BAHD1: variants seen among roughly 807,000 people sequenced by gnomAD.
The protein encoded by BAHD1 is bromo adjacent homology domain containing 1.
A neutral mutation model predicts 63.1 loss-of-function variants in BAHD1; 20 were observed. The observed-to-expected ratio is 0.32, with a 90% CI of 0.22 to 0.46. The LOEUF is 0.46. BAHD1 is among the 20% of genes least tolerant of loss of function. BAHD1 has a pLI of 1.00. For synonymous variants in BAHD1, 408 were observed against 426.8 expected (o/e 0.96, Z 0.54); for missense variants, 939 against 1,071.8 (o/e 0.88, Z 1.73).
In BAHD1 at chr15:40,467,347, A is replaced by G. The variant is rs1894242179; in HGVS notation, c.*1217A>G. On this transcript the variant is annotated 3_prime_UTR_variant, in exon 7 of 7. Coordinates refer to ENST00000416165, the MANE Select transcript of BAHD1 (RefSeq NM_014952.5). The stretch of plus-strand genomic sequence containing the variant: ...GTGAGGGGGCTGGAGCAGCCTGGTT[A>G]TTTCCTATCTGTACCAAAGAGGAGT... 6.5e-6 allele frequency: 1 copy of G among 152,950 alleles called. No homozygotes were observed. Among genetic ancestry groups the G allele is most frequent in the Admixed American group, 6.5e-5 (1 of 15,286 alleles). The allele number at this position is 152,950 out of a possible 1,614,324, so 9.5% of individuals were successfully genotyped here. A position where few individuals can be genotyped will look rare whatever the true frequency, so the allele number is the denominator to read the frequency against.
chr15:40,462,222 CCGCCGCCGT>C lies in BAHD1; in HGVS notation c.1752_1760del (p.Arg585_Arg587del). ...CACGTGTCCAGCGCCCACGCCCTCG[CCGCCGCCGT>C]CGCCGCCGCACTAATGGCTGGGTAC... On this transcript the variant is annotated inframe_deletion, in exon 3 of 7. Coordinates refer to ENST00000416165, the MANE Select transcript of BAHD1 (RefSeq NM_014952.5). 3 of 1,611,470 alleles carry C rather than the reference CCGCCGCCGT, an allele frequency of 1.9e-6. No individual in the cohort carries two copies. Among genetic ancestry groups the C allele is most frequent in the South Asian group, 2.2e-5 (2 of 90,956 alleles).
rs140194867 is a variant in BAHD1, at chr15:40,459,167, C to T, written c.703C>T (p.Arg235Cys). Residue 235 changes from arginine (R) to cysteine (C), a missense_variant, in exon 2 of 7, where the codon CGC becomes TGC. By Grantham distance (180) the Arg-to-Cys change is radical. Coordinates refer to ENST00000416165, the MANE Select transcript of BAHD1 (RefSeq NM_014952.5). ...LPRAHAEVDG[R>C]STEPPAPKAP... is the part of the protein sequence containing the mutation. The stretch of plus-strand genomic sequence containing the variant: ...TCGTGCCCATGCAGAAGTAGATGGG[C>T]GCTCCACTGAGCCCCCAGCACCCAA... 60 of 1,612,922 alleles carry T rather than the reference C, an allele frequency of 3.7e-5. No individual in the cohort carries two copies. The Admixed American group carries it at 4.3e-4, about 12-fold the overall frequency.
At chr15:40,454,856 C>CA (rs1893804370) in intron 1 of BAHD1, among the ~76,000 whole-genome samples, 2 of 152,114 alleles carry the variant, frequency 1.3e-5, no homozygotes, top group African/African-American at 4.8e-5. Flanking sequence ...AGAGGGGAAC[C>CA]AAGCCTACCA....
intron 1 of BAHD1, among the ~76,000 whole-genome samples, chr15:40,447,512 C>G (rs563169547): frequency 1.3e-5 from 2 of 150,786 alleles, no homozygotes; most frequent in Non-Finnish European, 2.9e-5. Flanking sequence ...GGTTGCAGAT[C>G]GCGCCAGTGC....
chr15:40,465,924 A>G lies in BAHD1; in HGVS notation c.2154-17A>G. On this transcript the variant is annotated splice_polypyrimidine_tract_variant and intron_variant, in intron 6 of 6. Coordinates refer to ENST00000416165, the MANE Select transcript of BAHD1 (RefSeq NM_014952.5). ...AAAGTGGCTGGAGTAAAGACAGTGA[A>G]TGGTATCTCTCTACAGGTTCTGTGC... 6.5e-7 allele frequency: 1 copy of G among 1,549,438 alleles called. No individual in the cohort carries two copies. Among genetic ancestry groups the G allele is most frequent in the African/African-American group, 1.4e-5 (1 of 72,844 alleles).
In BAHD1 at chr15:40,466,313, G is replaced by A; in HGVS notation, c.*183G>A. The A allele has an allele frequency of 1.8e-6, 1 of 567,934 alleles. No individual in the cohort carries two copies. Among genetic ancestry groups the A allele is most frequent in the East Asian group, 3.1e-5 (1 of 32,756 alleles). The allele number at this position is 567,934 out of a possible 1,614,324, so 35.2% of individuals were successfully genotyped here. ...GGCTCCAGGGGAGGGAGCTGGGGAG[G>A]CCAGGGTATAAGAAAAGCATCAGAA... On this transcript the variant is annotated 3_prime_UTR_variant, in exon 7 of 7. Coordinates refer to ENST00000416165, the MANE Select transcript of BAHD1 (RefSeq NM_014952.5).
At chr15:40,452,797 C>CT (rs1176377461) in intron 1 of BAHD1, among the ~76,000 whole-genome samples, 1 of 151,722 alleles carries the variant, frequency 6.6e-6, no homozygotes, top group East Asian at 1.9e-4. Flanking sequence ...AGCAGGGCAT[C>CT]TGTCTGTCCC....
chr15:40,454,319 GC>G (rs1190776633), intron 1 of BAHD1: 3 of 152,548 alleles, frequency 2.0e-5, no homozygotes, highest in African/African-American at 7.2e-5. Context: ...GCTGTATGGT[GC>G]TGCTGCAGCT....
chr15:40,440,958 T>A lies in BAHD1; in HGVS notation c.-325T>A, dbSNP rs1893378903. ...GCGGAGGCTCCGCTCTCGGGGAGTTTGTGGGGGAACCGCGAGCGGCGTAGC... is the reference window on the plus strand; with the variant it reads ...GCGGAGGCTCCGCTCTCGGGGAGTTAGTGGGGGAACCGCGAGCGGCGTAGC... On this transcript the variant is annotated 5_prime_UTR_variant, in exon 1 of 7. Coordinates refer to ENST00000416165, the MANE Select transcript of BAHD1 (RefSeq NM_014952.5). 6.6e-6 allele frequency among the ~76,000 whole-genome samples: 1 copy of A among 151,556 alleles called. No individual in the cohort carries two copies. Among genetic ancestry groups the A allele is most frequent in the Non-Finnish European group, 1.5e-5 (1 of 67,854 alleles).
chr15:40,448,005 T>C (rs1389630724), intron 1 of BAHD1, among the ~76,000 whole-genome samples: 1 of 152,174 alleles, frequency 6.6e-6, no homozygotes, highest in Non-Finnish European at 1.5e-5. Flanking sequence ...ATCCCAGCAC[T>C]TTGGGAGGCA....
intron 1 of BAHD1, among the ~76,000 whole-genome samples, chr15:40,445,296 C>T (rs1297972747): frequency 6.9e-6 from 1 of 145,782 alleles, no homozygotes; most frequent in African/African-American, 2.5e-5. Context: ...CACACCTTCT[C>T]TGGTTAGAGG....
chr15:40,448,411 A>C (rs1310530301), intron 1 of BAHD1, among the ~76,000 whole-genome samples: 1 of 152,192 alleles, frequency 6.6e-6, no homozygotes, highest in Admixed American at 6.5e-5. Context: ...TGAACGTGCA[A>C]GTTATCTTGC....
chr15:40,461,746 T>C (rs1894048168), intron 2 of BAHD1, among the ~76,000 whole-genome samples, 166 bp from the exon 3 acceptor site: 4 of 152,140 alleles, frequency 2.6e-5, no homozygotes, highest in African/African-American at 9.7e-5. Context: ...CCTGTCCCCT[T>C]AGAGAGTCAC....
chr15:40,443,881 T>C (rs1259010898), intron 1 of BAHD1, among the ~76,000 whole-genome samples: 1 of 152,148 alleles, frequency 6.6e-6, no homozygotes, highest in East Asian at 1.9e-4. Flanking sequence ...TCCCTAGCCA[T>C]ACCATGCACA....
intron 1 of BAHD1, among the ~76,000 whole-genome samples, chr15:40,449,342 G>A (rs1893637534): frequency 6.6e-6 from 1 of 152,190 alleles, no homozygotes; most frequent in African/African-American, 2.4e-5. Context: ...TCTGGGGACT[G>A]ATAATGCTAA....
intron 3 of BAHD1, among the ~76,000 whole-genome samples, chr15:40,463,127 T>G (rs750836678): frequency 3.3e-5 from 5 of 152,006 alleles, no homozygotes; most frequent in Non-Finnish European, 7.4e-5. Context: ...CATAGCAAGA[T>G]CCTGTCTACA....
In BAHD1 at chr15:40,462,285, G is replaced by A. The variant is rs1894073383; in HGVS notation, c.1806G>A (p.Val602=). The change falls in exon 3 of 7, where the codon GTG becomes GTA. Residue 602 remains valine (V), a synonymous_variant. Coordinates refer to ENST00000416165, the MANE Select transcript of BAHD1 (RefSeq NM_014952.5). The part of the protein sequence containing the change: ...VPVGAACEKA[V]YVLDEPEPAI... ...TTGGGGCTGCGTGTGAGAAGGCTGTGTATGTCTTGGTAAGTGCTAGCTCTT... is the reference window on the plus strand; with the variant it reads ...TTGGGGCTGCGTGTGAGAAGGCTGTATATGTCTTGGTAAGTGCTAGCTCTT... The A allele has an allele frequency of 1.2e-6, 2 of 1,603,900 alleles. No individual in the cohort carries two copies. Among genetic ancestry groups the A allele is most frequent in the Non-Finnish European group, 8.5e-7 (1 of 1,173,856 alleles).
chr15:40,465,635 G>A (rs1441165170), intron 6 of BAHD1, among the ~76,000 whole-genome samples, 200 bp downstream of exon 6: 4 of 152,248 alleles, frequency 2.6e-5, no homozygotes, highest in Non-Finnish European at 1.5e-5. Flanking sequence ...GAAAAATTGT[G>A]TTGCCACACT....
chr15:40,437,813 G>A (rs1165710803), upstream of BAHD1, among the ~76,000 whole-genome samples: 1 of 152,188 alleles, frequency 6.6e-6, no homozygotes, highest in Non-Finnish European at 1.5e-5. Flanking sequence ...GCGGGGAGGT[G>A]CTGGGGCTGG....
Sources: allele counts gnomAD v4.1 joint callset (sites outside exome capture counted in the v4.1 genomes callset), GRCh38; gene constraint gnomAD v4.1.1; transcripts MANE v1.5; gene names NCBI Gene and HGNC (gene_info 2026-07-23, HGNC 2026-07-21).